Variants in PLXNB2 observed in about 807,000 individuals in gnomAD.
PLXNB2 encodes the protein plexin-B2.
PLXNB2 carries 85 observed loss-of-function variants against 202.6 expected under a neutral mutation model. The ratio of observed to expected loss-of-function variants is 0.42; its 90% CI spans 0.35 to 0.50. PLXNB2 has a LOEUF of 0.50. PLXNB2 is among the 20% of genes least tolerant of loss of function. The probability of loss-of-function intolerance (pLI) is 0.02; values close to 1 mark genes in which losing one functional copy is unlikely to be tolerated. For synonymous variants in PLXNB2, 1,239 were observed against 1,137.6 expected (o/e 1.09, Z -1.79); for missense variants, 2,063 against 2,586.2 (o/e 0.80, Z 4.39).
At chr22:50,296,329 T>C (rs573178519) in intron 1 of PLXNB2, among the ~76,000 whole-genome samples, 1 of 152,078 alleles carries the variant, frequency 6.6e-6, no homozygotes, top group Non-Finnish European at 1.5e-5. Context: ...GCAGAGTAGC[T>C]TGAGCCCAGG....
In PLXNB2 at chr22:50,275,120, G is replaced by A. The variant is rs955573216; in HGVS notation, c.*584C>T. ...GTCTGACAGACCAGGACCCCAGGAT[G>A]TCTGGGCCCCGACGTAGGACTTGAC... On this transcript the variant is annotated 3_prime_UTR_variant, in exon 37 of 37. Coordinates refer to ENST00000359337, the MANE Select transcript of PLXNB2 (RefSeq NM_012401.4). 6 of 264,780 alleles carry A rather than the reference G, an allele frequency of 2.3e-5. No homozygotes were observed. The highest frequency in any genetic ancestry group is 3.8e-5 in the Non-Finnish European group (5 of 133,154). 16.4% of individuals were successfully genotyped at this position (264,780 alleles called of 1,614,324 possible). A position where few individuals can be genotyped will look rare whatever the true frequency, so the allele number is the denominator to read the frequency against.
intron 19 of PLXNB2, 27 bp downstream of exon 19, chr22:50,282,157 C>G (rs771580279): frequency 6.2e-7 from 1 of 1,604,656 alleles, no homozygotes. Flanking sequence ...GGGCCGGTGC[C>G]AGAGCTGAGC....
Position 50,275,625 on chromosome 22 carries a change from A to T in PLXNB2, c.*79T>A. 9.7e-7 allele frequency: 1 copy of T among 1,027,306 alleles called. No individual in the cohort carries two copies. The highest frequency in any genetic ancestry group is 2.3e-5 in the Admixed American group (1 of 43,518). The allele number at this position is 1,027,306 out of a possible 1,614,324, so 63.6% of individuals were successfully genotyped here. On this transcript the variant is annotated 3_prime_UTR_variant, in exon 37 of 37. Transcript: ENST00000359337. The stretch of plus-strand genomic sequence containing the variant: ...AGGGGAGGGTGGGGGCCTCAGCCAC[A>T]GCCACTCGGCCTCCTCCCCTGAGGG...
At position 50,289,700 on chromosome 22, in the gene PLXNB2, A is replaced by G. The variant is rs760989687; in HGVS notation, c.885T>C (p.Ala295=). 3 of 1,611,222 alleles carry G rather than the reference A, an allele frequency of 1.9e-6. No individual in the cohort carries two copies. The highest frequency in any genetic ancestry group is 1.7e-6 in the Non-Finnish European group (2 of 1,179,912). The part of the protein sequence containing the change: ...AAPGSGRVLY[A]VFSRDSRSSG... ...TGCTCCGGCTGTCTCTGCTGAAGACAGCATATAGCACCCTGCCAGAGCCAG... is the reference window on the plus strand; with the variant it reads ...TGCTCCGGCTGTCTCTGCTGAAGACGGCATATAGCACCCTGCCAGAGCCAG... Residue 295 remains alanine (A), a synonymous_variant, in exon 3 of 37, where the codon GCT becomes GCC. Coordinates refer to ENST00000359337, the MANE Select transcript of PLXNB2 (RefSeq NM_012401.4). The surrounding 1 kb of genome is among the most constrained non-coding windows in gnomAD (Gnocchi z 8.0).
Position 50,283,174 on chromosome 22 carries a change from G to C in PLXNB2, c.2692C>G (p.Leu898Val), listed in dbSNP as rs1191997177. The C allele has an allele frequency of 1.9e-6, 3 of 1,599,936 alleles. No homozygotes were observed. The highest frequency in any genetic ancestry group is 2.6e-6 in the Non-Finnish European group (3 of 1,174,858). Reference protein sequence around the residue: ...VQFTFQQPKPLSVEPQQGPQA... With the variant: ...VQFTFQQPKPVSVEPQQGPQA... ...GGTCCCTGCTGCGGCTCCACACTGA[G>C]AGGCTTGGGCTGCTGAAAGAGCCGC... is the stretch of plus-strand genomic sequence containing the variant. Residue 898 changes from leucine (L) to valine (V), a missense_variant, in exon 17 of 37, where the codon CTC becomes GTC. Leu to Val is a conservative substitution (Grantham distance 32). Coordinates refer to ENST00000359337, the MANE Select transcript of PLXNB2 (RefSeq NM_012401.4).
chr22:50,304,400 T>G (rs2067812795), intron 1 of PLXNB2, among the ~76,000 whole-genome samples: 1 of 152,134 alleles, frequency 6.6e-6, no homozygotes, highest in Non-Finnish European at 1.5e-5. Context: ...GAGAGAAGGC[T>G]TCTGAGCCAG....
In PLXNB2 at chr22:50,299,024, G is replaced by A. The variant is rs192001312; in HGVS notation, c.-73-4246C>T. Among the ~76,000 whole-genome samples, 51 of 152,364 alleles carry A rather than the reference G, an allele frequency of 3.3e-4. No individual in the cohort carries two copies. In the East Asian group the frequency reaches 8.7e-3, roughly 26 times the overall value. On this transcript the variant is annotated intron_variant, in intron 1 of 36. Coordinates refer to ENST00000359337, the MANE Select transcript of PLXNB2 (RefSeq NM_012401.4). Reference sequence around the variant, plus strand: ...GTGGGAGGGCAGGCCCAGCTTGGGGGCTGCTCTTGGCCAGGCCAGGCTGTG... The same window carrying A: ...GTGGGAGGGCAGGCCCAGCTTGGGGACTGCTCTTGGCCAGGCCAGGCTGTG...
In PLXNB2 at chr22:50,286,303, G is replaced by A. The variant is rs372162162; in HGVS notation, c.1763-16C>T. Reference sequence around the variant, plus strand: ...GCCACGTGGTCTGCAGACAGCAGAGGGGGAGGTGTCAAGGTGGCGGCCGCA... The same window carrying A: ...GCCACGTGGTCTGCAGACAGCAGAGAGGGAGGTGTCAAGGTGGCGGCCGCA... On this transcript the variant is annotated splice_polypyrimidine_tract_variant and intron_variant, in intron 8 of 36. Coordinates refer to ENST00000359337, the MANE Select transcript of PLXNB2 (RefSeq NM_012401.4). The A allele has an allele frequency of 5.7e-6, 9 of 1,591,606 alleles. No homozygotes were observed. The highest frequency in any genetic ancestry group is 6.9e-6 in the Non-Finnish European group (8 of 1,161,122).
chr22:50,289,899 A>C lies in PLXNB2; in HGVS notation c.686T>G (p.Phe229Cys). Residue 229 changes from phenylalanine to cysteine, a missense_variant, in exon 3 of 37, where the codon TTC becomes TGC. Coordinates refer to ENST00000359337, the MANE Select transcript of PLXNB2 (RefSeq NM_012401.4). The surrounding 1 kb of genome is among the most constrained non-coding windows in gnomAD (Gnocchi z 8.0). ...VAAFEDGPYVFFVFNQQDKHP... is the reference protein window; with the variant it reads ...VAAFEDGPYVCFVFNQQDKHP... The stretch of plus-strand genomic sequence containing the variant: ...CTTGTCCTGCTGGTTGAAGACAAAG[A>C]AGACGTAGGGGCCGTCCTCGAAGGC... 1 of 1,613,214 alleles carries C rather than the reference A, an allele frequency of 6.2e-7. No homozygotes were observed. The highest frequency in any genetic ancestry group is 2.2e-5 in the East Asian group (1 of 44,882).
chr22:50,282,625 C>T lies in PLXNB2; in HGVS notation c.2987+86G>A, dbSNP rs186471538. On this transcript the variant is annotated intron_variant, in intron 18 of 36. Transcript: ENST00000359337. Reference sequence around the variant, plus strand: ...CCCGCTGCACAGACCAGCCCCACCACATTCCTTTCAGCACAGTCAGCCAAG... The same window carrying T: ...CCCGCTGCACAGACCAGCCCCACCATATTCCTTTCAGCACAGTCAGCCAAG... The T allele has an allele frequency of 6.3e-3, 6,038 of 961,350 alleles. 39 individuals carry two copies. The highest frequency in any genetic ancestry group is 8.5e-3 in the Non-Finnish European group (5,625 of 660,858). The allele number at this position is 961,350 out of a possible 1,614,324, so 59.6% of individuals were successfully genotyped here. A position where few individuals can be genotyped will look rare whatever the true frequency, so the allele number is the denominator to read the frequency against.
intron 2 of PLXNB2, among the ~76,000 whole-genome samples, chr22:50,292,653 G>A (rs555456119): frequency 1.1e-4 from 17 of 152,102 alleles, no homozygotes; most frequent in Non-Finnish European, 1.9e-4. Flanking sequence ...CTGCTGCTCC[G>A]TAGCCAGGGG....
At chr22:50,300,585 T>G (rs2147703811) in intron 1 of PLXNB2, among the ~76,000 whole-genome samples, 1 of 152,292 alleles carries the variant, frequency 6.6e-6, no homozygotes, top group East Asian at 1.9e-4. Flanking sequence ...GACAGACTGA[T>G]GTGGAGGCCT....
In PLXNB2 at chr22:50,288,768, C is replaced by T. The variant is rs1202484286; in HGVS notation, c.1355G>A (p.Ser452Asn). The change falls in exon 5 of 37, where the codon AGC becomes AAC. Residue 452 changes from serine to asparagine, a missense_variant. Transcript: ENST00000359337. This position sits in a 1 kb window ranked among gnomAD's most constrained non-coding sequence, Gnocchi z 5.0. ...RDLVLSGDLG[S>N]LYAMTQDKVF... ...CTTGTCCTGGGTCATGGCGTACAGG[C>T]TGCCCAGGTCTCCAGACAGTACCAG... is the stretch of plus-strand genomic sequence containing the variant. The T allele has an allele frequency of 6.2e-7, 1 of 1,613,022 alleles. No homozygotes were observed. Among genetic ancestry groups the T allele is most frequent in the Non-Finnish European group, 8.5e-7 (1 of 1,179,958 alleles).
Position 50,294,792 on chromosome 22 carries a change from G to A in PLXNB2, c.-73-14C>T. 3.0e-6 allele frequency: 3 copies of A among 984,806 alleles called. 1 individual carries two copies. In the South Asian group the frequency reaches 1.4e-4, roughly 46 times the overall value. 61.0% of individuals were successfully genotyped at this position (984,806 alleles called of 1,614,324 possible). Reference sequence around the variant, plus strand: ...CATCGAGATTCTCTAGGAGGCAAAGGAGAGACGCCGGTCACAAGAGGAGCC... The same window carrying A: ...CATCGAGATTCTCTAGGAGGCAAAGAAGAGACGCCGGTCACAAGAGGAGCC... On this transcript the variant is annotated splice_polypyrimidine_tract_variant and intron_variant, in intron 1 of 36. Transcript: ENST00000359337.
Position 50,288,154 on chromosome 22 carries a change from T to TGAGGTGTCTGAGGCTC in PLXNB2, c.1381-118_1381-117insGAGCCTCAGACACCTC. The stretch of plus-strand genomic sequence containing the variant: ...GCTCTGTCCCGGGGCCTCGGGAGCC[T>TGAGGTGTCTGAGGCTC]CAGACACCTCAGGCTTGATATTAAA... On this transcript the variant is annotated intron_variant, in intron 5 of 36. Transcript: ENST00000359337. This position sits in a 1 kb window ranked among gnomAD's most constrained non-coding sequence, Gnocchi z 5.0. The TGAGGTGTCTGAGGCTC allele has an allele frequency of 1.4e-6, 1 of 708,970 alleles. No homozygotes were observed. Among genetic ancestry groups the TGAGGTGTCTGAGGCTC allele is most frequent in the Non-Finnish European group, 2.4e-6 (1 of 419,536 alleles). 43.9% of individuals were successfully genotyped at this position (708,970 alleles called of 1,614,324 possible).
At chr22:50,287,070 G>T in intron 8 of PLXNB2, 41 bp downstream of exon 8, 2 of 1,464,810 alleles carry the variant, frequency 1.4e-6, no homozygotes, top group South Asian at 1.4e-5. Context: ...GGCCCCGTGC[G>T]ACCGAGAAGG....
Position 50,275,656 on chromosome 22 carries a change from C to T in PLXNB2, c.*48G>A, listed in dbSNP as rs1250872956. 5 of 1,291,774 alleles carry T rather than the reference C, an allele frequency of 3.9e-6. No homozygotes were observed. The South Asian group carries it at 4.0e-5, about 10-fold the overall frequency. 80.0% of individuals were successfully genotyped at this position (1,291,774 alleles called of 1,614,324 possible). A position where few individuals can be genotyped will look rare whatever the true frequency, so the allele number is the denominator to read the frequency against. On this transcript the variant is annotated 3_prime_UTR_variant, in exon 37 of 37. Coordinates refer to ENST00000359337, the MANE Select transcript of PLXNB2 (RefSeq NM_012401.4). Reference sequence around the variant, plus strand: ...TCGGCCTCCTCCCCTGAGGGGCTCTCAGGTACCTCAGGTACCTATGTCCCA... The same window carrying T: ...TCGGCCTCCTCCCCTGAGGGGCTCTTAGGTACCTCAGGTACCTATGTCCCA...
chr22:50,283,605 G>C lies in PLXNB2; in HGVS notation c.2567C>G (p.Thr856Ser), dbSNP rs759339200. 1.3e-5 allele frequency: 21 copies of C among 1,612,560 alleles called. No homozygotes were observed. The highest frequency in any genetic ancestry group is 1.6e-5 in the Non-Finnish European group (19 of 1,179,900). Reference sequence around the variant, plus strand: ...CAGACCAGGGCCGTCCACTCACCGGGTGGACACGGAGTAACGTTCCGGCTG... The same window carrying C: ...CAGACCAGGGCCGTCCACTCACCGGCTGGACACGGAGTAACGTTCCGGCTG... Reference protein sequence around the residue: ...SFQPERYSVSTRIVCVIEAAE... With the variant: ...SFQPERYSVSSRIVCVIEAAE... Residue 856 changes from threonine to serine, a missense_variant, in exon 15 of 37, where the codon ACC (threonine) becomes AGC (serine). Around this residue, in one of 2 missense-constraint regions of PLXNB2, gnomAD observed 1,303 missense variants for 1,476.8 expected, o/e 0.88. Transcript: ENST00000359337.
At chr22:50,306,022 G>A (rs879526622) in intron 1 of PLXNB2, among the ~76,000 whole-genome samples, 12 of 152,222 alleles carry the variant, frequency 7.9e-5, no homozygotes, top group Non-Finnish European at 1.6e-4. Context: ...CTCCTCCTGG[G>A]GCCCTCAACC....
Sources: gnomAD v4.1 joint callset for allele counts (sites outside exome capture counted in the v4.1 genomes callset) on GRCh38, gnomAD v4.1.1 for gene constraint, gnomAD v4.1.1 regional missense constraint, Gnocchi (gnomAD v3.1) non-coding constraint, MANE v1.5 for transcripts, NCBI Gene and HGNC (gene_info 2026-07-23, HGNC 2026-07-21) for gene names.